Variants in CCDC141 observed in about 807,000 individuals in gnomAD.
The protein encoded by CCDC141 is coiled-coil domain containing 141.
A neutral mutation model predicts 181.0 loss-of-function variants in CCDC141; 168 were observed. That is an observed-to-expected ratio of 0.93 (90% CI 0.82 to 1.05). The LOEUF is 1.05. Among genes scored for constraint, CCDC141 ranks in the 50% least tolerant of loss-of-function variants. The probability of loss-of-function intolerance (pLI) is 0.00; values close to 1 mark genes in which losing one functional copy is unlikely to be tolerated. For missense variants in CCDC141, 1,902 were observed against 1,788.5 expected (o/e 1.06, Z -1.14); for synonymous variants, 666 against 642.3 (o/e 1.04, Z -0.56).
At chr2:179,034,980 T>C (rs2043102077) in intron 2 of CCDC141, among the ~76,000 whole-genome samples, 1 of 152,190 alleles carries the variant, frequency 6.6e-6, no homozygotes, top group African/African-American at 2.4e-5. Context: ...AGTCTATGGG[T>C]TCTGGAAAAC....
In CCDC141 at chr2:178,905,521, T is replaced by G. The variant is rs1167561387; in HGVS notation, c.1093-20A>C. ...AAATGCCTGCCAAAGAAAACATACT[T>G]TTATTTTCTGCTTCTCTAGTTTAAA... is the stretch of plus-strand genomic sequence containing the variant. On this transcript the variant is annotated intron_variant, in intron 7 of 23. Transcript: ENST00000443758. 6.5e-7 allele frequency: 1 copy of G among 1,533,912 alleles called. No individual in the cohort carries two copies. The highest frequency in any genetic ancestry group is 1.4e-5 in the African/African-American group (1 of 72,094).
At chr2:178,890,899 GT>G (rs1054945999) in intron 8 of CCDC141, among the ~76,000 whole-genome samples, 12 of 152,216 alleles carry the variant, frequency 7.9e-5, no homozygotes, top group African/African-American at 2.9e-4. Context: ...ACTTTGTTAA[GT>G]GCATTAGATG....
intron 2 of CCDC141, among the ~76,000 whole-genome samples, chr2:179,045,480 CAT>C (rs1391924041): frequency 1.3e-5 from 2 of 152,128 alleles, no homozygotes; most frequent in Non-Finnish European, 1.5e-5. Context: ...CATACGTGTG[CAT>C]ATGTTTTATA....
intron 4 of CCDC141, among the ~76,000 whole-genome samples, chr2:178,965,752 A>T (rs1199227567): frequency 6.6e-6 from 1 of 152,158 alleles, no homozygotes; most frequent in Admixed American, 6.5e-5. Flanking sequence ...GGCACCTGGA[A>T]CACCAGCGAG....
downstream of CCDC141, among the ~76,000 whole-genome samples, chr2:178,827,338 T>C (rs11891770): frequency 0.019 from 2,832 of 152,234 alleles, 71 homozygotes; most frequent in African/African-American, 0.064. Flanking sequence ...TTGGATGGAA[T>C]ATTCTATGTG....
chr2:178,881,989 T>C (rs1686647026), intron 11 of CCDC141, among the ~76,000 whole-genome samples: 2 of 142,846 alleles, frequency 1.4e-5, no homozygotes, highest in African/African-American at 2.6e-5. Flanking sequence ...GGAAATAAAA[T>C]GATGGAGTGG....
intron 11 of CCDC141, among the ~76,000 whole-genome samples, chr2:178,881,078 G>A (rs1686582718): frequency 6.6e-6 from 1 of 152,210 alleles, no homozygotes; most frequent in South Asian, 2.1e-4. Flanking sequence ...GTGCAAAAGA[G>A]AGGGCACAGG....
In CCDC141 at chr2:178,833,928, A is replaced by T. The variant is rs983865480; in HGVS notation, c.*245T>A. The T allele has an allele frequency of 2.2e-6, 1 of 454,814 alleles. No individual in the cohort carries two copies. 28.2% of individuals were successfully genotyped at this position (454,814 alleles called of 1,614,324 possible). On this transcript the variant is annotated 3_prime_UTR_variant, in exon 24 of 24. Transcript: ENST00000443758. ...TTTTGCTGCATATTATGTTGAAAACATCTGTTTCTAGAGTACAAAAATCTG... is the reference window on the plus strand; with the variant it reads ...TTTTGCTGCATATTATGTTGAAAACTTCTGTTTCTAGAGTACAAAAATCTG...
chr2:178,865,669 G>A, intron 17 of CCDC141, 98 bp downstream of exon 17: 1 of 1,090,276 alleles, frequency 9.2e-7, no homozygotes, highest in Non-Finnish European at 1.2e-6. Flanking sequence ...GTGTTTGCAT[G>A]TGTGTGGGAG....
At chr2:178,898,484 C>T (rs1687520678) in intron 8 of CCDC141, among the ~76,000 whole-genome samples, 1 of 152,144 alleles carries the variant, frequency 6.6e-6, no homozygotes. Context: ...TTGTAAGCAT[C>T]ATAAAGAATG....
chr2:179,032,411 C>T (rs1307487848), intron 2 of CCDC141, among the ~76,000 whole-genome samples: 2 of 152,022 alleles, frequency 1.3e-5, no homozygotes, highest in Non-Finnish European at 2.9e-5. Context: ...ACACAAAAAG[C>T]AAAAAACAAA....
chr2:178,850,515 T>C (rs113108227), intron 20 of CCDC141, among the ~76,000 whole-genome samples: 8 of 152,262 alleles, frequency 5.3e-5, no homozygotes, highest in African/African-American at 1.4e-4. Context: ...GTCCCTTCCA[T>C]AACATGGCTT....
At chr2:178,961,713 G>A (rs1445109341) in intron 4 of CCDC141, among the ~76,000 whole-genome samples, 2 of 152,176 alleles carry the variant, frequency 1.3e-5, no homozygotes, top group Non-Finnish European at 2.9e-5. Context: ...CCAACTGATG[G>A]GATGCTTTGT....
intron 21 of CCDC141, among the ~76,000 whole-genome samples, chr2:178,848,175 C>T (rs1351264874): frequency 6.6e-5 from 10 of 152,126 alleles, no homozygotes; most frequent in East Asian, 3.9e-4. Context: ...GGTAAGATTT[C>T]GAAAAACAGA....
chr2:179,023,234 T>C (rs551219570), intron 2 of CCDC141, among the ~76,000 whole-genome samples: 1 of 152,306 alleles, frequency 6.6e-6, no homozygotes, highest in African/African-American at 2.4e-5. Flanking sequence ...TTGTTTCAAA[T>C]TCTTTAAAGG....
At chr2:178,904,065 G>A (rs1481430444) in intron 8 of CCDC141, among the ~76,000 whole-genome samples, 1 of 152,050 alleles carries the variant, frequency 6.6e-6, no homozygotes, top group Non-Finnish European at 1.5e-5. Flanking sequence ...AGCTGGAAAA[G>A]AGGAGGAGGA....
At chr2:178,954,830 A>T (rs1690093507) in intron 5 of CCDC141, among the ~76,000 whole-genome samples, 1 of 151,984 alleles carries the variant, frequency 6.6e-6, no homozygotes, top group South Asian at 2.1e-4. Context: ...AAACCAAAAA[A>T]CTTTGCCCTT....
intron 2 of CCDC141, among the ~76,000 whole-genome samples, chr2:178,982,633 C>T (rs1036206122): frequency 2.5e-4 from 29 of 117,240 alleles, no homozygotes; most frequent in East Asian, 3.9e-4. Flanking sequence ...CGAAGCAGAG[C>T]GAGGCACTGC....
chr2:178,934,519 A>C (rs957766419), intron 6 of CCDC141, among the ~76,000 whole-genome samples: 2 of 152,190 alleles, frequency 1.3e-5, no homozygotes, highest in African/African-American at 4.8e-5. Flanking sequence ...AAGAATTTTC[A>C]TATTCGGTAA....
Sources: allele counts gnomAD v4.1 joint callset (sites outside exome capture counted in the v4.1 genomes callset), GRCh38; gene constraint gnomAD v4.1.1; transcripts MANE v1.5; gene names NCBI Gene and HGNC (gene_info 2026-07-23, HGNC 2026-07-21).